PEAR1: variants seen among roughly 807,000 people sequenced by gnomAD.
PEAR1 encodes the protein platelet endothelial aggregation receptor 1.
A neutral mutation model predicts 131.2 loss-of-function variants in PEAR1; 113 were observed. That is an observed-to-expected ratio of 0.86 (90% CI 0.74 to 1.01). The LOEUF (loss-of-function observed/expected upper bound fraction) is 1.01, where lower values mean the gene tolerates loss of function less well. Ranked by LOEUF, PEAR1 falls within the 50% of genes least tolerant of loss-of-function variation. The pLI is 0.00. For missense variants in PEAR1, 1,408 were observed against 1,391.1 expected (o/e 1.01, Z -0.19); for synonymous variants, 565 against 523.3 (o/e 1.08, Z -1.09).
intron 4 of PEAR1, 68 bp downstream of exon 4, chr1:156,905,492 T>A: frequency 7.2e-7 from 1 of 1,389,940 alleles, no homozygotes. Context: ...CCTACTCTTC[T>A]GAGTCCCTCC....
In PEAR1 at chr1:156,914,911, A is replaced by G; in HGVS notation, c.*113A>G. The G allele has an allele frequency of 8.2e-7, 1 of 1,220,722 alleles. No individual in the cohort carries two copies. The highest frequency in any genetic ancestry group is 1.1e-6 in the Non-Finnish European group (1 of 880,384). The allele number at this position is 1,220,722 out of a possible 1,614,324, so 75.6% of individuals were successfully genotyped here. A position where few individuals can be genotyped will look rare whatever the true frequency, so the allele number is the denominator to read the frequency against. ...CAGGGAGTGGACCGGCAGGCTGTGA[A>G]CATGAACAACGCTTAACAGAGCAAG... On this transcript the variant is annotated 3_prime_UTR_variant, in exon 23 of 23. Coordinates refer to ENST00000292357, the MANE Select transcript of PEAR1 (RefSeq NM_001080471.3).
rs1426313650 is a variant in PEAR1 at position 156,908,958 on chromosome 1, G to A, written c.1333G>A (p.Val445Ile). ...TCTTTGTCCTCCTGACACCTACGGT[G>A]TCAACTGTTCTGCACGCTGCTCATG... ...ASLCPPDTYG[V>I]NCSARCSCEN... Residue 445 changes from valine to isoleucine, a missense_variant, in exon 11 of 23, where the codon GTC becomes ATC. Val to Ile is a conservative substitution (Grantham distance 29, BLOSUM62 3). Transcript: ENST00000292357. This position sits in a 1 kb window ranked among gnomAD's most constrained non-coding sequence, Gnocchi z 4.2. The A allele has an allele frequency of 6.2e-7, 1 of 1,613,918 alleles. No homozygotes were observed. The highest frequency in any genetic ancestry group is 8.5e-7 in the Non-Finnish European group (1 of 1,179,976).
At chr1:156,896,667 C>T (rs921080694) in intron 1 of PEAR1, among the ~76,000 whole-genome samples, 1 of 152,220 alleles carries the variant, frequency 6.6e-6, no homozygotes, top group Non-Finnish European at 1.5e-5. Flanking sequence ...GCACCTGGGG[C>T]CCAGTCCCTC....
rs1314553886 is a variant in PEAR1, at chr1:156,913,942, CA to C, written c.2805del (p.Gly937AlafsTer10). ...YATIRDLPSL[P>X]GGPRESSYME... Reference sequence around the variant, plus strand: ...ACCATCCGGGACCTGCCCAGCTTGCCAGGGGGCCCCCGGGAGAGCAGCTACA... The same window carrying C: ...ACCATCCGGGACCTGCCCAGCTTGCCGGGGGCCCCCGGGAGAGCAGCTACA... On this transcript the variant is annotated frameshift_variant, in exon 22 of 23. Coordinates refer to ENST00000292357, the MANE Select transcript of PEAR1 (RefSeq NM_001080471.3). LOFTEE classifies it high-confidence loss of function. 8.1e-6 allele frequency: 13 copies of C among 1,613,980 alleles called. No individual in the cohort carries two copies. Among genetic ancestry groups the C allele is most frequent in the African/African-American group, 1.3e-5 (1 of 74,936 alleles).
chr1:156,909,766 A>G lies in PEAR1; in HGVS notation c.1427A>G (p.Asn476Ser). The change falls in exon 12 of 23, where the codon AAC becomes AGC. Residue 476 changes from asparagine (N) to serine (S), a missense_variant. By Grantham distance (46) the Asn-to-Ser change is conservative (BLOSUM62 1). Transcript: ENST00000292357. ...CCTCCTCCAGGTTGGCAGCGTGGTA[A>G]CTGCTCTGTGCCCTGCCCACCCGGA... is the stretch of plus-strand genomic sequence containing the variant. Reference protein sequence around the residue: ...CVCKEGWQRGNCSVPCPPGTW... With the variant: ...CVCKEGWQRGSCSVPCPPGTW... 6.2e-7 allele frequency: 1 copy of G among 1,609,156 alleles called. No individual in the cohort carries two copies. Among genetic ancestry groups the G allele is most frequent in the African/African-American group, 1.3e-5 (1 of 74,946 alleles).
Position 156,913,985 on chromosome 1 carries a change from T to TC in PEAR1, c.2850dup (p.Ser951LeufsTer38). 3 of 1,613,492 alleles carry TC rather than the reference T, an allele frequency of 1.9e-6. No individual in the cohort carries two copies. Among genetic ancestry groups the TC allele is most frequent in the Non-Finnish European group, 2.5e-6 (3 of 1,179,790 alleles). ...GCAGCTACATGGAGATGAAAGGCCC[T>TC]CCCTCAGGATCTCCCCCCAGGCAGC... On this transcript the variant is annotated frameshift_variant, in exon 22 of 23. Coordinates refer to ENST00000292357, the MANE Select transcript of PEAR1 (RefSeq NM_001080471.3). LOFTEE classifies it high-confidence loss of function.
chr1:156,905,258 C>G (rs1650142507), intron 3 of PEAR1, 66 bp from the exon 4 acceptor site: 1 of 1,523,414 alleles, frequency 6.6e-7, no homozygotes, highest in African/African-American at 1.4e-5. Flanking sequence ...CTGGCCTCCC[C>G]CTGGCCACAC....
chr1:156,907,117 G>A (rs1329348277), intron 6 of PEAR1, among the ~76,000 whole-genome samples: 1 of 152,238 alleles, frequency 6.6e-6, no homozygotes, highest in African/African-American at 2.4e-5. Context: ...TACATGGCAG[G>A]GTGGCTGTGA....
Position 156,907,979 on chromosome 1 carries a change from G to A in PEAR1, c.830G>A (p.Arg277His). Residue 277 changes from arginine to histidine, a missense_variant, in exon 8 of 23, where the codon CGC becomes CAC. Physicochemically the swap from Arg to His is conservative, Grantham distance 29. Transcript: ENST00000292357. ...FHGPNCSQEC[R>H]CHNGGLCDRF... ...GGACCCAACTGCTCCCAGGAATGTC[G>A]CTGCCACAACGGCGGCCTCTGTGAC... 2 of 1,578,066 alleles carry A rather than the reference G, an allele frequency of 1.3e-6. No homozygotes were observed. Among genetic ancestry groups the A allele is most frequent in the East Asian group, 2.3e-5 (1 of 42,834 alleles).
chr1:156,898,297 C>T (rs780048749), intron 1 of PEAR1, among the ~76,000 whole-genome samples: 1 of 152,146 alleles, frequency 6.6e-6, no homozygotes, highest in Non-Finnish European at 1.5e-5. Context: ...GTAAACAGGT[C>T]GGACCTAGGA....
In PEAR1 at chr1:156,912,758, C is replaced by G; in HGVS notation, c.2210-12C>G. 1 of 1,614,062 alleles carries G rather than the reference C, an allele frequency of 6.2e-7. No individual in the cohort carries two copies. Among genetic ancestry groups the G allele is most frequent in the African/African-American group, 1.3e-5 (1 of 75,060 alleles). On this transcript the variant is annotated splice_polypyrimidine_tract_variant and intron_variant, in intron 17 of 22. Transcript: ENST00000292357. ...AAGATGCCATTCTGAGTGAGCACCC[C>G]ATTCCACACAGGAATCCAGGAGCCC...
intron 3 of PEAR1, chr1:156,905,097 A>C: frequency 1.5e-6 from 2 of 1,319,652 alleles, no homozygotes; most frequent in Non-Finnish European, 1.1e-6. Flanking sequence ...GGGGGGCAAG[A>C]AGGGAATGCT....
chr1:156,903,869 G>A, intron 1 of PEAR1, 49 bp from the exon 2 acceptor site: 2 of 1,479,982 alleles, frequency 1.4e-6, no homozygotes, highest in South Asian at 2.3e-5. Flanking sequence ...AGGTCCTCCA[G>A]GCTGCTGGCT....
rs551231811 is a variant in PEAR1 at position 156,914,670 on chromosome 1, C to T, written c.2986C>T (p.Pro996Ser). Residue 996 changes from proline (P) to serine (S), a missense_variant, in exon 23 of 23, where the codon CCC becomes TCC. Transcript: ENST00000292357. ...AGACCGAGACTCTGTGGGCTCCCAG[C>T]CCCCTCTGCCTCCGGGCCTACCCCC... Reference protein sequence around the residue: ...IHDRDSVGSQPPLPPGLPPGH... With the variant: ...IHDRDSVGSQSPLPPGLPPGH... The T allele has an allele frequency of 1.2e-6, 2 of 1,612,886 alleles. No individual in the cohort carries two copies. Among genetic ancestry groups the T allele is most frequent in the Middle Eastern group, 1.7e-4 (1 of 6,050 alleles).
In PEAR1 at chr1:156,907,947, C is replaced by A; in HGVS notation, c.798C>A (p.Gly266=). 6.3e-7 allele frequency: 1 copy of A among 1,587,450 alleles called. No homozygotes were observed. Among genetic ancestry groups the A allele is most frequent in the Admixed American group, 1.8e-5 (1 of 56,420 alleles). ...TCTGCTCCCTGCCCTGCCCAGAGGG[C>A]TTTCACGGACCCAACTGCTCCCAGG... ...GTICSLPCPE[G]FHGPNCSQEC... The change falls in exon 8 of 23, where the codon GGC becomes GGA. Residue 266 remains glycine, a synonymous_variant. Transcript: ENST00000292357.
intron 3 of PEAR1, 144 bp downstream of exon 3, chr1:156,904,996 C>CGGGTACG: frequency 6.5e-7 from 1 of 1,545,342 alleles, no homozygotes; most frequent in Non-Finnish European, 8.7e-7. Flanking sequence ...TGGTCTGTGT[C>CGGGTACG]GGGTACGTGT....
rs573786569 is a variant in PEAR1, at chr1:156,904,529, C to T, written c.102-219C>T. On this transcript the variant is annotated intron_variant, in intron 2 of 22. Transcript: ENST00000292357. Reference sequence around the variant, plus strand: ...CTCCGGTCCAATAGAGTGGGAAGGGCGCTCTGATGGAGGGTATCCCAGGAA... The same window carrying T: ...CTCCGGTCCAATAGAGTGGGAAGGGTGCTCTGATGGAGGGTATCCCAGGAA... 1.2e-4 allele frequency among the ~76,000 whole-genome samples: 19 copies of T among 152,244 alleles called. No homozygotes were observed. In the East Asian group the frequency reaches 3.3e-3, roughly 26 times the overall value.
intron 22 of PEAR1, among the ~76,000 whole-genome samples, chr1:156,914,428 C>G (rs1452654923): frequency 6.6e-6 from 1 of 152,076 alleles, no homozygotes; most frequent in Non-Finnish European, 1.5e-5. Flanking sequence ...GGGAGGTGGG[C>G]GGGCTGAGGT....
rs1650195689 is a variant in PEAR1 at position 156,905,513 on chromosome 1, T to A, written c.307+89T>A. On this transcript the variant is annotated intron_variant, in intron 4 of 22. Coordinates refer to ENST00000292357, the MANE Select transcript of PEAR1 (RefSeq NM_001080471.3). ...CTTCTGAGTCCCTCCCGGCCCCCGC[T>A]AGAATGGGGTTACTCCTCTGCCCTT... 25 of 1,176,206 alleles carry A rather than the reference T, an allele frequency of 2.1e-5. No individual in the cohort carries two copies. In the South Asian group the frequency reaches 3.6e-4, roughly 17 times the overall value. The allele number at this position is 1,176,206 out of a possible 1,614,324, so 72.9% of individuals were successfully genotyped here.
Sources: gnomAD v4.1 joint callset for allele counts (sites outside exome capture counted in the v4.1 genomes callset) on GRCh38, gnomAD v4.1.1 for gene constraint, Gnocchi (gnomAD v3.1) non-coding constraint, MANE v1.5 for transcripts, NCBI Gene and HGNC (gene_info 2026-07-23, HGNC 2026-07-21) for gene names.